The following HEMK2 variants were observed in gnomAD, a reference collection of about 807,000 sequenced individuals.
HEMK2 encodes the protein methyltransferase HEMK2.
the HEMK2 span, among the ~76,000 whole-genome samples, chr21:28,711,906 TC>T: frequency 7.9e-5 from 12 of 152,262 alleles, no homozygotes; most frequent in African/African-American, 2.9e-4. Flanking sequence ...TTTTCACTTG[TC>T]CTTACATGGC....
At chr21:28,838,975 ATATATATATATATAT>A in the HEMK2 span, among the ~76,000 whole-genome samples, 57 of 30,712 alleles carry the variant, frequency 1.9e-3, no homozygotes, top group Admixed American at 3.5e-3. Flanking sequence ...AAAAAAAAAT[ATATATATATATATAT>A]ATATATATAT....
At chr21:28,850,300 C>A in the HEMK2 span, among the ~76,000 whole-genome samples, 2 of 147,824 alleles carry the variant, frequency 1.4e-5, no homozygotes, top group African/African-American at 5.0e-5. Context: ...TCTCGGCTCA[C>A]TGCAAGCTCC....
At chr21:28,764,308 G>A in the HEMK2 span, among the ~76,000 whole-genome samples, 1 of 152,036 alleles carries the variant, frequency 6.6e-6, no homozygotes, top group African/African-American at 2.4e-5. Flanking sequence ...TTTGCTATGT[G>A]GAAAAGAGTG....
At chr21:28,647,321 T>TAAAAA in the HEMK2 span, among the ~76,000 whole-genome samples, 16 of 46,374 alleles carry the variant, frequency 3.5e-4, no homozygotes, top group African/African-American at 5.4e-4. Flanking sequence ...CCATCTCTAC[T>TAAAAA]AAAAAAAAAA....
At chr21:28,861,019 T>C in the HEMK2 span, among the ~76,000 whole-genome samples, 1 of 152,212 alleles carries the variant, frequency 6.6e-6, no homozygotes, top group Non-Finnish European at 1.5e-5. Context: ...TGGAATGAAT[T>C]AGACACTTTA....
At chr21:28,837,706 A>C in the HEMK2 span, among the ~76,000 whole-genome samples, 2 of 152,182 alleles carry the variant, frequency 1.3e-5, no homozygotes, top group African/African-American at 4.8e-5. Flanking sequence ...AGCAGAACTA[A>C]AGGAAACTGA....
At chr21:28,623,188 A>C in the HEMK2 span, among the ~76,000 whole-genome samples, 1 of 152,190 alleles carries the variant, frequency 6.6e-6, no homozygotes, top group Non-Finnish European at 1.5e-5. Context: ...ATGAACAGAC[A>C]CTTCTCAAAA....
the HEMK2 span, among the ~76,000 whole-genome samples, chr21:28,740,801 G>A: frequency 1.3e-5 from 2 of 152,162 alleles, no homozygotes; most frequent in East Asian, 1.9e-4. Flanking sequence ...TAAGGGAATT[G>A]ATCCCTTCTG....
the HEMK2 span, among the ~76,000 whole-genome samples, chr21:28,881,382 T>C: frequency 1.3e-5 from 2 of 152,202 alleles, no homozygotes; most frequent in African/African-American, 2.4e-5. Flanking sequence ...GGTTGAGAGA[T>C]AGGCACATAA....
chr21:28,709,347 T>C, the HEMK2 span, among the ~76,000 whole-genome samples: 2 of 152,202 alleles, frequency 1.3e-5, no homozygotes, highest in African/African-American at 2.4e-5. Flanking sequence ...TTACCTTCCA[T>C]TGTGGAACCC....
chr21:28,862,531 C>G, the HEMK2 span, among the ~76,000 whole-genome samples: 1 of 144,758 alleles, frequency 6.9e-6, no homozygotes, highest in African/African-American at 2.8e-5. Flanking sequence ...CCCAGCTACT[C>G]GGGAGGCTGA....
At chr21:28,626,786 C>T in the HEMK2 span, 1 of 152,104 alleles carries the variant, frequency 6.6e-6, no homozygotes, top group African/African-American at 2.4e-5. Context: ...AAAAGATGCT[C>T]AAGGTCACTA....
the HEMK2 span, among the ~76,000 whole-genome samples, chr21:28,768,151 C>G: frequency 6.6e-6 from 1 of 152,126 alleles, no homozygotes; most frequent in African/African-American, 2.4e-5. Flanking sequence ...TGTTACTCCT[C>G]TGCCCAAACA....
the HEMK2 span, among the ~76,000 whole-genome samples, chr21:28,647,321 T>TAAAAAAAAAA: frequency 1.9e-4 from 9 of 46,418 alleles, no homozygotes; most frequent in African/African-American, 2.7e-4. Flanking sequence ...CCATCTCTAC[T>TAAAAAAAAAA]AAAAAAAAAA....
the HEMK2 span, among the ~76,000 whole-genome samples, chr21:28,594,875 A>G: frequency 6.6e-6 from 1 of 152,226 alleles, no homozygotes; most frequent in African/African-American, 2.4e-5. Flanking sequence ...ATCGTTCACA[A>G]TAGTTGAAAT....
At chr21:28,597,881 T>C in the HEMK2 span, among the ~76,000 whole-genome samples, 3 of 152,036 alleles carry the variant, frequency 2.0e-5, no homozygotes, top group South Asian at 6.2e-4. Context: ...GAAGTATGAG[T>C]TCAGATAAAG....
chr21:28,662,642 C>T, the HEMK2 span, among the ~76,000 whole-genome samples: 4 of 152,186 alleles, frequency 2.6e-5, no homozygotes, highest in East Asian at 1.9e-4. Flanking sequence ...CTGCTGTTCT[C>T]GTAATAGTGA....
At chr21:28,870,294 T>C in the HEMK2 span, among the ~76,000 whole-genome samples, 1 of 152,214 alleles carries the variant, frequency 6.6e-6, no homozygotes, top group African/African-American at 2.4e-5. Flanking sequence ...CTTGCATTAG[T>C]GTGGTATATC....
the HEMK2 span, among the ~76,000 whole-genome samples, chr21:28,630,608 G>T: frequency 1.3e-5 from 2 of 151,702 alleles, no homozygotes. Context: ...CATAAAAAAT[G>T]ATGAGTTCAT....
Sources: allele counts gnomAD v4.1 joint callset (sites outside exome capture counted in the v4.1 genomes callset), GRCh38; gene constraint gnomAD v4.1.1; transcripts MANE v1.5; gene names NCBI Gene and HGNC (gene_info 2026-07-23, HGNC 2026-07-21).